LAMA4: variants seen among roughly 807,000 people sequenced by gnomAD.
LAMA4 encodes the protein laminin subunit alpha-4.
In LAMA4, 127 loss-of-function variants were observed where a neutral mutation model predicts 207.1. The ratio of observed to expected loss-of-function variants is 0.61; its 90% CI spans 0.53 to 0.71. The LOEUF (loss-of-function observed/expected upper bound fraction) is 0.71, where lower values mean the gene tolerates loss of function less well. Ranked by LOEUF, LAMA4 falls within the 30% of genes least tolerant of loss-of-function variation. The pLI, the probability that LAMA4 is intolerant of heterozygous loss-of-function variation, is 0.00. For missense variants in LAMA4, 2,093 were observed against 2,246.5 expected (o/e 0.93, Z 1.38); for synonymous variants, 761 against 816.0 (o/e 0.93, Z 1.15).
intron 11 of LAMA4, among the ~76,000 whole-genome samples, chr6:112,173,276 T>C (rs782764665): frequency 5.3e-5 from 8 of 152,178 alleles, no homozygotes; most frequent in Non-Finnish European, 7.3e-5. Context: ...ATCCAAACCA[T>C]GATTTTGGTG....
At chr6:112,226,747 T>C (rs1785236040) in intron 2 of LAMA4, among the ~76,000 whole-genome samples, 1 of 152,220 alleles carries the variant, frequency 6.6e-6, no homozygotes, top group South Asian at 2.1e-4. Flanking sequence ...GAGGGCAAAT[T>C]GTGCCAACAC....
chr6:112,122,169 A>G lies in LAMA4; in HGVS notation c.4320T>C (p.Asp1440=), dbSNP rs1366384304. The G allele has an allele frequency of 1.2e-6, 2 of 1,613,750 alleles. No homozygotes were observed. Among genetic ancestry groups the G allele is most frequent in the African/African-American group, 2.7e-5 (2 of 74,900 alleles). ...GCTCTGGGAGTTTCAGAGCAACAGGATCCCATGAAGGTGCATCTTTACTTT... is the reference window on the plus strand; with the variant it reads ...GCTCTGGGAGTTTCAGAGCAACAGGGTCCCATGAAGGTGCATCTTTACTTT... ...GGKSKDAPSW[D]PVALKLPERN... is the part of the protein sequence containing the mutation. The change falls in exon 32 of 39, where the codon GAT becomes GAC. Residue 1440 remains aspartate (D), a synonymous_variant. Transcript: ENST00000230538.
intron 6 of LAMA4, among the ~76,000 whole-genome samples, chr6:112,190,926 T>TTCTTTCTTTC (rs1783025124): frequency 1.1e-5 from 1 of 93,612 alleles, no homozygotes; most frequent in African/African-American, 4.2e-5. Context: ...TTTCTTTCTT[T>TTCTTTCTTTC]CTTTCTTTCT....
chr6:112,155,833 A>T (rs1027597096), intron 14 of LAMA4, 127 bp from the exon 15 acceptor site: 7 of 1,118,678 alleles, frequency 6.3e-6, no homozygotes, highest in Non-Finnish European at 9.4e-6. Context: ...AAAGTCACCT[A>T]GTGTGGCAAG....
intron 2 of LAMA4, among the ~76,000 whole-genome samples, chr6:112,250,057 T>G (rs1787323857): frequency 6.6e-6 from 1 of 152,216 alleles, no homozygotes; most frequent in African/African-American, 2.4e-5. Flanking sequence ...CCTATTTTAT[T>G]GCTCTTTCGA....
chr6:112,121,968 C>T (rs782815429), intron 32 of LAMA4, 46 bp downstream of exon 32: 2 of 1,536,274 alleles, frequency 1.3e-6, no homozygotes, highest in African/African-American at 1.4e-5. Flanking sequence ...AAAGATGGAG[C>T]CCAGCCATGT....
rs1780884490 is a variant in LAMA4 at position 112,158,881 on chromosome 6, C to T, written c.1669-1G>A. 6.2e-7 allele frequency: 1 copy of T among 1,604,140 alleles called. No homozygotes were observed. Among genetic ancestry groups the T allele is most frequent in the Non-Finnish European group, 8.5e-7 (1 of 1,171,756 alleles). ...TTTCTGCATAAATCCCTGACGCATT[C>T]TAAAGAAAAAAATTTTAATAAATAC... On this transcript the variant is annotated splice_acceptor_variant, in intron 13 of 38. Coordinates refer to ENST00000230538, the MANE Select transcript of LAMA4 (RefSeq NM_001105206.3). LOFTEE classifies it high-confidence loss of function.
rs782106967 is a variant in LAMA4, at chr6:112,178,075, A to G, written c.1189+46T>C. ...TTATGCCTACTGATGTTAATAACAT[A>G]AGTGTTTCCTTGATATTAAACTGAA... On this transcript the variant is annotated intron_variant, in intron 10 of 38. Transcript: ENST00000230538. The G allele has an allele frequency of 2.1e-5, 27 of 1,289,580 alleles. 1 individual carries two copies. The highest frequency in any genetic ancestry group is 1.2e-4 in the East Asian group (5 of 43,350). The allele number at this position is 1,289,580 out of a possible 1,614,324, so 79.9% of individuals were successfully genotyped here.
intron 30 of LAMA4, among the ~76,000 whole-genome samples, chr6:112,129,399 TC>T (rs1254354124): frequency 6.6e-6 from 1 of 152,190 alleles, no homozygotes; most frequent in African/African-American, 2.4e-5. Context: ...GTTCTTGTAC[TC>T]AAGGAACCCC....
chr6:112,131,313 T>C (rs537822259), intron 28 of LAMA4, among the ~76,000 whole-genome samples: 82 of 152,288 alleles, frequency 5.4e-4, no homozygotes, highest in South Asian at 1.2e-3. Context: ...GAAAAATGTA[T>C]CTCCTATATT....
chr6:112,165,339 A>T, intron 12 of LAMA4, 63 bp from the exon 13 acceptor site: 1 of 1,076,562 alleles, frequency 9.3e-7, no homozygotes, highest in Non-Finnish European at 1.4e-6. Context: ...CGTTGGGGAG[A>T]GCAGTAAATG....
In LAMA4 at chr6:112,201,622, T is replaced by G; in HGVS notation, c.489A>C (p.Gly163=). Residue 163 remains glycine (G), a synonymous_variant, in exon 5 of 39, where the codon GGA becomes GGC. Transcript: ENST00000230538. ...TATTGGCTTACCTTTCACAGTTAGG[T>G]CCAGCATAATTTTCGTTACAAATGC... ...VRCICNENYA[G]PNCERCAPGY... 1 of 1,613,748 alleles carries G rather than the reference T, an allele frequency of 6.2e-7. No individual in the cohort carries two copies. The highest frequency in any genetic ancestry group is 1.1e-5 in the South Asian group (1 of 91,066).
intron 2 of LAMA4, among the ~76,000 whole-genome samples, chr6:112,251,092 G>A (rs1038083290): frequency 2.0e-5 from 3 of 152,184 alleles, no homozygotes; most frequent in Non-Finnish European, 2.9e-5. Flanking sequence ...AGTAGATTAA[G>A]TGTCAAGAAG....
intron 2 of LAMA4, chr6:112,219,584 A>G (rs1420552727): frequency 6.6e-6 from 1 of 152,210 alleles, no homozygotes; most frequent in African/African-American, 2.4e-5. Context: ...GATAATGATG[A>G]TGATAATTAT....
At position 112,118,028 on chromosome 6, in the gene LAMA4, A is replaced by G; in HGVS notation, c.4822-130T>C. The G allele has an allele frequency of 1.3e-6, 1 of 762,778 alleles. No homozygotes were observed. Among genetic ancestry groups the G allele is most frequent in the Non-Finnish European group, 2.2e-6 (1 of 445,396 alleles). The allele number at this position is 762,778 out of a possible 1,614,324, so 47.3% of individuals were successfully genotyped here. A position where few individuals can be genotyped will look rare whatever the true frequency, so the allele number is the denominator to read the frequency against. ...TGTTTCATTTATTTCAGATATCTGAATGATCAGTACTTTCCTGGATAGTTG... is the reference window on the plus strand; with the variant it reads ...TGTTTCATTTATTTCAGATATCTGAGTGATCAGTACTTTCCTGGATAGTTG... On this transcript the variant is annotated intron_variant, in intron 34 of 38. Transcript: ENST00000230538. This position sits in a 1 kb window ranked among gnomAD's most constrained non-coding sequence, Gnocchi z 4.6.
intron 3 of LAMA4, among the ~76,000 whole-genome samples, chr6:112,214,693 TG>T (rs1784530176): frequency 1.3e-5 from 2 of 152,208 alleles, no homozygotes; most frequent in Non-Finnish European, 2.9e-5. Flanking sequence ...ACAAAGTAGT[TG>T]GAGGAATGTT....
intron 22 of LAMA4, 76 bp from the exon 23 acceptor site, chr6:112,139,961 C>A: frequency 6.8e-7 from 1 of 1,461,804 alleles, no homozygotes; most frequent in East Asian, 2.3e-5. Flanking sequence ...GACAATGCAA[C>A]TAATAGTAGG....
intron 8 of LAMA4, among the ~76,000 whole-genome samples, chr6:112,186,512 A>G (rs1782692451): frequency 6.6e-6 from 1 of 152,224 alleles, no homozygotes; most frequent in African/African-American, 2.4e-5. Flanking sequence ...AATCTTAGCT[A>G]TACAAGGACC....
At chr6:112,190,339 C>T (rs1554348134) in intron 6 of LAMA4, among the ~76,000 whole-genome samples, 1 of 152,170 alleles carries the variant, frequency 6.6e-6, no homozygotes, top group East Asian at 1.9e-4. Flanking sequence ...CAGTGTTATG[C>T]CTCTATGCAC....
Sources: gnomAD v4.1 joint callset for allele counts (sites outside exome capture counted in the v4.1 genomes callset) on GRCh38, gnomAD v4.1.1 for gene constraint, Gnocchi (gnomAD v3.1) non-coding constraint, MANE v1.5 for transcripts, NCBI Gene and HGNC (gene_info 2026-07-23, HGNC 2026-07-21) for gene names.